ARB2A: variants seen among roughly 807,000 people sequenced by gnomAD.
ARB2A encodes the protein cotranscriptional regulator ARB2A.
chr5:93,913,496 T>C, the ARB2A span, among the ~76,000 whole-genome samples: 1 of 151,926 alleles, frequency 6.6e-6, no homozygotes, highest in South Asian at 2.1e-4. Flanking sequence ...AACGATAGCA[T>C]CTATACAAGA....
chr5:93,799,136 A>T, the ARB2A span, among the ~76,000 whole-genome samples: 1 of 152,162 alleles, frequency 6.6e-6, no homozygotes, highest in Non-Finnish European at 1.5e-5. Flanking sequence ...TGAACATCTC[A>T]GTCATATGTT....
At chr5:94,094,332 G>A in the ARB2A span, among the ~76,000 whole-genome samples, 1 of 152,180 alleles carries the variant, frequency 6.6e-6, no homozygotes, top group Non-Finnish European at 1.5e-5. Flanking sequence ...TAAAGAGAAA[G>A]TGACCAGGAG....
At chr5:94,044,091 T>C in the ARB2A span, among the ~76,000 whole-genome samples, 1 of 152,226 alleles carries the variant, frequency 6.6e-6, no homozygotes, top group South Asian at 2.1e-4. Context: ...GGTCTCTGAC[T>C]GCTACTCAGA....
At chr5:93,912,596 T>C in the ARB2A span, among the ~76,000 whole-genome samples, 2 of 151,742 alleles carry the variant, frequency 1.3e-5, no homozygotes, top group African/African-American at 4.8e-5. Flanking sequence ...GGAAATTTTA[T>C]TTTGGTCCCA....
the ARB2A span, among the ~76,000 whole-genome samples, chr5:93,758,994 C>T: frequency 4.7e-4 from 71 of 152,108 alleles, no homozygotes; most frequent in African/African-American, 1.7e-3. Flanking sequence ...AATTGACAGA[C>T]CATTGGCAAG....
chr5:93,760,092 T>C, the ARB2A span, among the ~76,000 whole-genome samples: 1 of 152,180 alleles, frequency 6.6e-6, no homozygotes, highest in African/African-American at 2.4e-5. Context: ...AGCTCTTCTA[T>C]ACACCAACAG....
the ARB2A span, chr5:93,958,771 ACTT>A: frequency 1.3e-6 from 2 of 1,486,832 alleles, no homozygotes; most frequent in Non-Finnish European, 1.8e-6. Context: ...AGGAAATTGT[ACTT>A]ACAGCCACAG....
At chr5:93,746,227 T>C in the ARB2A span, among the ~76,000 whole-genome samples, 1 of 152,182 alleles carries the variant, frequency 6.6e-6, no homozygotes, top group East Asian at 1.9e-4. Context: ...AATAAGAACA[T>C]TTATGTTGTA....
At chr5:93,875,141 T>C in the ARB2A span, among the ~76,000 whole-genome samples, 1 of 152,174 alleles carries the variant, frequency 6.6e-6, no homozygotes, top group Non-Finnish European at 1.5e-5. Context: ...ATCATCATTC[T>C]ACTTTTCAGA....
chr5:94,051,179 A>G, the ARB2A span, among the ~76,000 whole-genome samples: 14 of 152,362 alleles, frequency 9.2e-5, no homozygotes, highest in Non-Finnish European at 1.5e-4. Context: ...GAGTAAAAGC[A>G]TAAATATTAA....
At chr5:93,866,956 C>A in the ARB2A span, among the ~76,000 whole-genome samples, 1 of 151,858 alleles carries the variant, frequency 6.6e-6, no homozygotes, top group Non-Finnish European at 1.5e-5. Context: ...ACAAACATGG[C>A]CTGAATGAAT....
the ARB2A span, among the ~76,000 whole-genome samples, chr5:93,685,058 C>T: frequency 6.6e-6 from 1 of 152,174 alleles, no homozygotes; most frequent in Non-Finnish European, 1.5e-5. Context: ...GAGCAGACAA[C>T]AGAAATAAGT....
the ARB2A span, among the ~76,000 whole-genome samples, chr5:93,717,326 A>G: frequency 6.6e-6 from 1 of 152,182 alleles, no homozygotes. Flanking sequence ...CCAATAGGTC[A>G]GCACCAAGCG....
chr5:93,876,823 C>T, the ARB2A span, among the ~76,000 whole-genome samples: 1 of 150,836 alleles, frequency 6.6e-6, no homozygotes, highest in African/African-American at 2.4e-5. Flanking sequence ...GTGAACATAC[C>T]CCAGTCAGAA....
At chr5:93,773,231 C>A in the ARB2A span, among the ~76,000 whole-genome samples, 3 of 152,102 alleles carry the variant, frequency 2.0e-5, no homozygotes, top group Non-Finnish European at 4.4e-5. Flanking sequence ...ATAATAATTC[C>A]TTTGAACTGG....
chr5:93,711,595 A>G, the ARB2A span, among the ~76,000 whole-genome samples: 1 of 152,246 alleles, frequency 6.6e-6, no homozygotes, highest in African/African-American at 2.4e-5. Context: ...AAAGGTGGCA[A>G]AATTGTCAAG....
At chr5:93,870,864 A>G in the ARB2A span, among the ~76,000 whole-genome samples, 3 of 152,252 alleles carry the variant, frequency 2.0e-5, no homozygotes, top group Admixed American at 1.3e-4. Context: ...GAAGGTATAC[A>G]TAAAGCACTT....
chr5:94,074,944 A>G, the ARB2A span, among the ~76,000 whole-genome samples: 1 of 152,044 alleles, frequency 6.6e-6, no homozygotes, highest in African/African-American at 2.4e-5. Context: ...TTATGAATTT[A>G]TCTGAGTCAG....
chr5:93,963,321 A>C, the ARB2A span, among the ~76,000 whole-genome samples: 1 of 151,976 alleles, frequency 6.6e-6, no homozygotes, highest in Non-Finnish European at 1.5e-5. Flanking sequence ...AAGGAAGAAA[A>C]ATTTCCAAAT....
Sources: allele counts gnomAD v4.1 joint callset (sites outside exome capture counted in the v4.1 genomes callset), GRCh38; gene constraint gnomAD v4.1.1; transcripts MANE v1.5; gene names NCBI Gene and HGNC (gene_info 2026-07-23, HGNC 2026-07-21).